Variants in COL15A1 observed in about 807,000 individuals in gnomAD.
The protein encoded by COL15A1 is collagen alpha-1(XV) chain.
COL15A1 carries 111 observed loss-of-function variants against 165.9 expected under a neutral mutation model. The ratio of observed to expected loss-of-function variants is 0.67; its 90% CI spans 0.57 to 0.78. The LOEUF (loss-of-function observed/expected upper bound fraction) is 0.78. COL15A1 is among the 30% of genes least tolerant of loss of function. COL15A1 has a pLI of 0.00. For synonymous variants in COL15A1, 659 were observed against 674.8 expected (o/e 0.98, Z 0.36); for missense variants, 1,745 against 1,789.7 (o/e 0.98, Z 0.45).
chr9:99,007,088 G>T (rs1838775829), intron 9 of COL15A1, among the ~76,000 whole-genome samples: 1 of 152,210 alleles, frequency 6.6e-6, no homozygotes, highest in African/African-American at 2.4e-5. Flanking sequence ...ACAACTCAAA[G>T]TAGGGAGGGG....
Position 99,070,559 on chromosome 9 carries a change from G to C in COL15A1, c.*673G>C, listed in dbSNP as rs1202436450. 1 of 387,956 alleles carries C rather than the reference G, an allele frequency of 2.6e-6. No individual in the cohort carries two copies. The highest frequency in any genetic ancestry group is 5.2e-6 in the Non-Finnish European group (1 of 193,992). The allele number at this position is 387,956 out of a possible 1,614,324, so 24.0% of individuals were successfully genotyped here. ...TGAAACTCCAAATAATCTGAAACTAGAAAAGAAATAGCACATAATTACTAC... is the reference window on the plus strand; with the variant it reads ...TGAAACTCCAAATAATCTGAAACTACAAAAGAAATAGCACATAATTACTAC... On this transcript the variant is annotated 3_prime_UTR_variant, in exon 42 of 42. Transcript: ENST00000375001.
rs757663390 is a variant in COL15A1, at chr9:99,035,423, GT to G, written c.2289+6del. On this transcript the variant is annotated splice_donor_region_variant and intron_variant, in intron 19 of 41. Transcript: ENST00000375001. Reference sequence around the variant, plus strand: ...TCCAGACCAACGGCTGCAATTGTAGGTCGCCTCTGAAACCTTCATTATGAGG... The same window carrying G: ...TCCAGACCAACGGCTGCAATTGTAGGCGCCTCTGAAACCTTCATTATGAGG... The G allele has an allele frequency of 3.1e-6, 5 of 1,614,140 alleles. No individual in the cohort carries two copies. In the South Asian group the frequency reaches 5.5e-5, roughly 18 times the overall value.
chr9:99,036,048 C>T, intron 19 of COL15A1, 122 bp from the exon 20 acceptor site: 1 of 797,222 alleles, frequency 1.3e-6, no homozygotes, highest in Non-Finnish European at 2.1e-6. Flanking sequence ...TTCGCTTATT[C>T]TTGGTTCCCA....
intron 35 of COL15A1, among the ~76,000 whole-genome samples, chr9:99,058,374 G>A (rs1825759389): frequency 6.6e-6 from 1 of 152,168 alleles, no homozygotes; most frequent in African/African-American, 2.4e-5. Flanking sequence ...TAGAGGTGAA[G>A]GGAAGGTCCC....
intron 9 of COL15A1, among the ~76,000 whole-genome samples, chr9:99,011,671 T>G (rs1838850184): frequency 6.6e-6 from 1 of 152,134 alleles, no homozygotes; most frequent in Admixed American, 6.5e-5. Context: ...CAATATATTT[T>G]TTAATTGGAA....
At chr9:99,055,455 C>A in intron 34 of COL15A1, 83 bp downstream of exon 34, 1 of 813,640 alleles carries the variant, frequency 1.2e-6, no homozygotes, top group Non-Finnish European at 2.1e-6. Flanking sequence ...GCAGTTAGGG[C>A]TAGTCATTGT....
At chr9:99,037,484 C>T (rs767449203) in intron 21 of COL15A1, among the ~76,000 whole-genome samples, 5 of 152,056 alleles carry the variant, frequency 3.3e-5, no homozygotes, top group Admixed American at 1.3e-4. Context: ...TTTGAGAGGC[C>T]GAGGCAGGAG....
intron 9 of COL15A1, among the ~76,000 whole-genome samples, chr9:99,006,922 C>T (rs1343814367): frequency 6.6e-6 from 1 of 152,146 alleles, no homozygotes; most frequent in African/African-American, 2.4e-5. Context: ...TTTATTTTGC[C>T]AGGGTTAAGG....
intron 40 of COL15A1, among the ~76,000 whole-genome samples, chr9:99,067,397 G>GA (rs1261049398): frequency 2.6e-5 from 4 of 152,174 alleles, no homozygotes; most frequent in Non-Finnish European, 5.9e-5. Flanking sequence ...TGTCAGATGA[G>GA]AAAACTGAGG....
chr9:98,953,407 C>T (rs943361333), intron 2 of COL15A1, among the ~76,000 whole-genome samples: 2 of 152,106 alleles, frequency 1.3e-5, no homozygotes, highest in African/African-American at 2.4e-5. Flanking sequence ...CACTCTTTAT[C>T]CCCATTATAA....
At chr9:98,971,829 G>A (rs1043868448) in intron 2 of COL15A1, among the ~76,000 whole-genome samples, 22 of 152,324 alleles carry the variant, frequency 1.4e-4, no homozygotes, top group African/African-American at 5.3e-4. Context: ...GCTCTCAGCA[G>A]AGCCGGGTCA....
chr9:98,949,878 C>A (rs888601986), intron 2 of COL15A1, among the ~76,000 whole-genome samples: 9 of 152,200 alleles, frequency 5.9e-5, no homozygotes, highest in Non-Finnish European at 1.3e-4. Context: ...AGTCACTAAA[C>A]TACTTTCTGC....
chr9:98,952,284 G>T (rs963089783), intron 2 of COL15A1, among the ~76,000 whole-genome samples: 2 of 152,126 alleles, frequency 1.3e-5, no homozygotes, highest in East Asian at 3.8e-4. Context: ...TGAGTACTCA[G>T]GGAATATTAT....
chr9:98,947,179 G>T (rs1227374081), intron 2 of COL15A1, among the ~76,000 whole-genome samples: 1 of 152,166 alleles, frequency 6.6e-6, no homozygotes, highest in African/African-American at 2.4e-5. Context: ...ATAAACAAAT[G>T]AGGTGTATCC....
intron 2 of COL15A1, among the ~76,000 whole-genome samples, chr9:98,950,960 C>T (rs1837678740): frequency 1.3e-5 from 2 of 152,132 alleles, no homozygotes; most frequent in South Asian, 4.1e-4. Context: ...GCTTCTTGGC[C>T]ACCATCTTCT....
chr9:99,052,311 C>A, intron 30 of COL15A1, 77 bp from the exon 31 acceptor site: 1 of 1,084,220 alleles, frequency 9.2e-7, no homozygotes, highest in Non-Finnish European at 1.4e-6. Context: ...CACATGCCCC[C>A]GGGACAGTGG....
intron 35 of COL15A1, among the ~76,000 whole-genome samples, chr9:99,057,430 C>T (rs1461739739): frequency 6.6e-6 from 1 of 152,168 alleles, no homozygotes; most frequent in Non-Finnish European, 1.5e-5. Context: ...TCTATTCATC[C>T]TTTAGAGCCT....
In COL15A1 at chr9:98,945,156, C is replaced by T. The variant is rs111543628; in HGVS notation, c.100+906C>T. On this transcript the variant is annotated intron_variant, in intron 2 of 41. Coordinates refer to ENST00000375001, the MANE Select transcript of COL15A1 (RefSeq NM_001855.5). ...GATAGAAATTACTGCTTGATTCTTG[C>T]AGTAACTATGTGTTGGAAAGCAATG... 2.0e-3 allele frequency among the ~76,000 whole-genome samples: 300 copies of T among 152,318 alleles called. 1 individual carries two copies. The highest frequency in any genetic ancestry group is 7.0e-3 in the African/African-American group (291 of 41,566).
chr9:98,990,596 G>A (rs149810776), intron 5 of COL15A1, among the ~76,000 whole-genome samples: 1 of 152,368 alleles, frequency 6.6e-6, no homozygotes, highest in African/African-American at 2.4e-5. Flanking sequence ...GCCAACTCAG[G>A]CAAAGGTGCC....
Sources: gnomAD v4.1 joint callset for allele counts (sites outside exome capture counted in the v4.1 genomes callset) on GRCh38, gnomAD v4.1.1 for gene constraint, MANE v1.5 for transcripts, NCBI Gene and HGNC (gene_info 2026-07-23, HGNC 2026-07-21) for gene names.